The following LY6S variants were observed in gnomAD, a reference collection of about 807,000 sequenced individuals.
The protein encoded by LY6S is lymphocyte antigen 6 family member S, also known as lymphocyte antigen 6S.
the LY6S span, among the ~76,000 whole-genome samples, chr8:143,071,838 T>G: frequency 6.6e-6 from 1 of 151,462 alleles, no homozygotes; most frequent in Non-Finnish European, 1.5e-5. Flanking sequence ...TCTACGGGAG[T>G]TTCCCTTAGA....
the LY6S span, among the ~76,000 whole-genome samples, chr8:143,048,858 C>T: frequency 6.6e-6 from 1 of 152,194 alleles, no homozygotes; most frequent in Admixed American, 6.5e-5. Context: ...CTTCAACTGG[C>T]GTTCTTTGCT....
chr8:143,046,497 G>A, the LY6S span, among the ~76,000 whole-genome samples: 1 of 149,754 alleles, frequency 6.7e-6, no homozygotes, highest in Admixed American at 6.7e-5. Flanking sequence ...AGAATGGCAT[G>A]AACCCGGGAG....
At chr8:143,066,076 C>A in the LY6S span, 2 of 411,460 alleles carry the variant, frequency 4.9e-6, no homozygotes, top group Non-Finnish European at 9.3e-6. Context: ...TTGGGAAGCA[C>A]ATAGGCATCG....
chr8:143,061,030 T>G, the LY6S span, among the ~76,000 whole-genome samples: 2 of 152,216 alleles, frequency 1.3e-5, no homozygotes, highest in African/African-American at 4.8e-5. Context: ...CCAATTATAT[T>G]AGTTCTCACA....
chr8:143,065,888 G>A, the LY6S span: 1 of 208,106 alleles, frequency 4.8e-6, no homozygotes, highest in Admixed American at 5.0e-5. Flanking sequence ...AGAATAGTCT[G>A]TCTTCAGTCT....
chr8:143,043,888 T>G, the LY6S span, among the ~76,000 whole-genome samples: 3 of 152,298 alleles, frequency 2.0e-5, no homozygotes, highest in East Asian at 3.9e-4. Flanking sequence ...TTGGTCAGGC[T>G]GGTCTCCAAC....
the LY6S span, among the ~76,000 whole-genome samples, chr8:143,046,671 T>C: frequency 2.6e-5 from 4 of 151,596 alleles, no homozygotes; most frequent in Non-Finnish European, 5.9e-5. Flanking sequence ...TCAGGTGGCA[T>C]AGGCCAAGCT....
the LY6S span, among the ~76,000 whole-genome samples, chr8:143,071,811 C>G: frequency 2.0e-5 from 3 of 152,084 alleles, no homozygotes; most frequent in Non-Finnish European, 4.4e-5. Context: ...GGAGGGTCTC[C>G]ACTTAATCTT....
the LY6S span, chr8:143,047,874 C>T: frequency 1.1e-4 from 16 of 152,356 alleles, no homozygotes; most frequent in East Asian, 1.9e-3. Context: ...TCTGCTGTCT[C>T]GCCCTTACAA....
At chr8:143,045,589 G>A in the LY6S span, among the ~76,000 whole-genome samples, 1 of 151,878 alleles carries the variant, frequency 6.6e-6, no homozygotes, top group Non-Finnish European at 1.5e-5. This position sits in a 1 kb window ranked among gnomAD's most constrained non-coding sequence, Gnocchi z 5.3. Flanking sequence ...CCCCATGGCT[G>A]TACTGCACCT....
the LY6S span, chr8:143,043,247 G>A: frequency 3.7e-6 from 5 of 1,365,104 alleles, no homozygotes; most frequent in Non-Finnish European, 3.9e-6. Context: ...AGATCTGGGA[G>A]TCCACAACGG....
the LY6S span, among the ~76,000 whole-genome samples, chr8:143,071,196 G>GGAATA: frequency 7.2e-4 from 42 of 58,092 alleles, no homozygotes; most frequent in East Asian, 3.1e-3. Flanking sequence ...AGACCCGGCA[G>GGAATA]CATGGATGTT....
At chr8:143,070,481 ATATATATATTTTTT>A in the LY6S span, among the ~76,000 whole-genome samples, 5 of 85,466 alleles carry the variant, frequency 5.9e-5, no homozygotes, top group African/African-American at 3.7e-4. Flanking sequence ...ATATAAATAT[ATATATATATTTTTT>A]TTTTTTTTTG....
the LY6S span, chr8:143,042,894 G>T: frequency 1.4e-6 from 1 of 726,764 alleles, no homozygotes; most frequent in Admixed American, 2.1e-5. Context: ...TTGTTGGGGG[G>T]CATGGGCTGG....
the LY6S span, among the ~76,000 whole-genome samples, chr8:143,072,380 G>GT: frequency 1.5e-5 from 2 of 135,656 alleles, no homozygotes; most frequent in Non-Finnish European, 1.5e-5. Context: ...CGTCGTCCTC[G>GT]GGATTCCTCT....
At chr8:143,054,567 T>C in the LY6S span, among the ~76,000 whole-genome samples, 1 of 152,184 alleles carries the variant, frequency 6.6e-6, no homozygotes, top group Non-Finnish European at 1.5e-5. Flanking sequence ...CACACGGAGT[T>C]GTGGGGGGTT....
At chr8:143,043,612 G>T in the LY6S span, among the ~76,000 whole-genome samples, 1 of 152,202 alleles carries the variant, frequency 6.6e-6, no homozygotes, top group Admixed American at 6.5e-5. Context: ...AGCTGGGTGG[G>T]CTGTGGAGGG....
At chr8:143,050,327 T>C in the LY6S span, among the ~76,000 whole-genome samples, 2 of 152,044 alleles carry the variant, frequency 1.3e-5, no homozygotes, top group African/African-American at 2.4e-5. Flanking sequence ...ATTACAGGCA[T>C]GCACCATCAC....
the LY6S span, among the ~76,000 whole-genome samples, chr8:143,061,018 AC>A: frequency 6.6e-6 from 1 of 152,212 alleles, no homozygotes; most frequent in Non-Finnish European, 1.5e-5. Context: ...GAAGGTTTTA[AC>A]CCAATTATAT....
Sources: allele counts gnomAD v4.1 joint callset (sites outside exome capture counted in the v4.1 genomes callset), GRCh38; gene constraint gnomAD v4.1.1; non-coding constraint Gnocchi (gnomAD v3.1); transcripts MANE v1.5; gene names NCBI Gene and HGNC (gene_info 2026-07-23, HGNC 2026-07-21).